Variants in MYO1H observed in about 807,000 individuals in gnomAD.
The protein encoded by MYO1H is unconventional myosin-Ih.
In MYO1H, 118 loss-of-function variants were observed where a neutral mutation model predicts 149.3. That is an observed-to-expected ratio of 0.79 (90% confidence interval 0.68 to 0.92). The LOEUF (loss-of-function observed/expected upper bound fraction) is 0.92. Ranked by LOEUF, MYO1H falls within the 40% of genes least tolerant of loss-of-function variation. MYO1H has a pLI of 0.00. For synonymous variants in MYO1H, 447 were observed against 465.2 expected (o/e 0.96, Z 0.50); for missense variants, 1,212 against 1,280.7 (o/e 0.95, Z 0.82).
rs200032737 is a variant in MYO1H, at chr12:109,373,389, ATATAAT to A, written c.13-15284_13-15279del. On this transcript the variant is annotated intron_variant, in intron 1 of 31. Coordinates refer to ENST00000310903, the Ensembl canonical transcript of MYO1H. ...TGTTTTTGTAATTATCAAGAATGTA[ATATAAT>A]TATAATTATCAAGAATGAAAATTGA... Among the ~76,000 whole-genome samples, 479 of 152,216 alleles carry A rather than the reference ATATAAT, an allele frequency of 3.1e-3. 3 individuals are homozygous for A. Among genetic ancestry groups the A allele is most frequent in the African/African-American group, 9.6e-3 (398 of 41,566 alleles).
chr12:109,405,602 G>A (rs1011459010), intron 7 of MYO1H, among the ~76,000 whole-genome samples: 1 of 152,166 alleles, frequency 6.6e-6, no homozygotes, highest in Non-Finnish European at 1.5e-5. Flanking sequence ...GAGCCACCGC[G>A]CCCGGCCATA....
At chr12:109,447,453 A>G (rs1408201836) in exon 32 of MYO1H, 3 of 575,750 alleles carry the variant, frequency 5.2e-6, no homozygotes, top group African/African-American at 1.9e-5. Context: ...GACAGGATCT[A>G]TGTTCAGTGC....
rs545637145 is a variant in MYO1H at position 109,385,812 on chromosome 12, C to A, written c.13-2871C>A. Among the ~76,000 whole-genome samples the A allele has an allele frequency of 3.3e-5, 5 of 152,300 alleles. No homozygotes were observed. The South Asian group carries it at 1.0e-3, about 32-fold the overall frequency. Reference sequence around the variant, plus strand: ...CCCACCACCTAGCTTTAACAATTAACATTCTGCCATTCCGTTTATATTCAT... The same window carrying A: ...CCCACCACCTAGCTTTAACAATTAAAATTCTGCCATTCCGTTTATATTCAT... On this transcript the variant is annotated intron_variant, in intron 1 of 31. Coordinates refer to ENST00000310903, the Ensembl canonical transcript of MYO1H.
intron 14 of MYO1H, among the ~76,000 whole-genome samples, chr12:109,414,491 A>G (rs1286260244): frequency 7.1e-5 from 10 of 140,740 alleles, no homozygotes; most frequent in African/African-American, 2.9e-4. Context: ...AAAAAAAAAA[A>G]AAGAAAGAAA....
At chr12:109,317,162 T>C in the MYO1H span, among the ~76,000 whole-genome samples, 1 of 152,194 alleles carries the variant, frequency 6.6e-6, no homozygotes, top group Non-Finnish European at 1.5e-5. Flanking sequence ...TTTGAAACTG[T>C]CACTTGCCTG....
At chr12:109,447,466 A>G in exon 32 of MYO1H, 3 of 545,876 alleles carry the variant, frequency 5.5e-6, no homozygotes, top group Non-Finnish European at 9.9e-6. Flanking sequence ...TTCAGTGCGC[A>G]GTCCAACGTG....
exon 32 of MYO1H, chr12:109,448,190 C>T (rs945526042): frequency 2.6e-5 from 4 of 152,052 alleles, no homozygotes; most frequent in African/African-American, 9.7e-5. Flanking sequence ...GTTTTTGTGC[C>T]CAGCAACATG....
At chr12:109,360,722 A>G (rs1348057050) in intron 1 of MYO1H, among the ~76,000 whole-genome samples, 2 of 152,192 alleles carry the variant, frequency 1.3e-5, no homozygotes, top group Non-Finnish European at 1.5e-5. Context: ...CTCCATAAAG[A>G]AAAAAACAAA....
intron 14 of MYO1H, among the ~76,000 whole-genome samples, chr12:109,413,223 C>T (rs1870752057): frequency 6.6e-6 from 1 of 152,096 alleles, no homozygotes; most frequent in Non-Finnish European, 1.5e-5. Context: ...GATCTGCCCA[C>T]CTCAGTGTCC....
chr12:109,415,906 C>CATTTTATTTTATTTTATTTTATTTT (rs78343064), intron 15 of MYO1H, among the ~76,000 whole-genome samples: 5 of 144,482 alleles, frequency 3.5e-5, no homozygotes, highest in African/African-American at 5.2e-5. Context: ...TACCACCATT[C>CATTTTATTTTATTTTATTTTATTTT]ATTTTATTTT....
chr12:109,417,075 G>A (rs969835426), intron 15 of MYO1H, among the ~76,000 whole-genome samples: 6 of 152,084 alleles, frequency 3.9e-5, no homozygotes, highest in African/African-American at 1.2e-4. Flanking sequence ...GGAGGCCGAG[G>A]CAGGAGAATT....
the MYO1H span, among the ~76,000 whole-genome samples, chr12:109,337,268 A>G: frequency 6.6e-6 from 1 of 152,134 alleles, no homozygotes. Flanking sequence ...AGCTTCATAT[A>G]TTCTTATAAT....
At chr12:109,432,950 A>C in exon 20 of MYO1H, 2 of 1,614,026 alleles carry the variant, frequency 1.2e-6, no homozygotes, top group Non-Finnish European at 1.7e-6. Context: ...CCTCCAGCAG[A>C]GGGCGTGGAA....
chr12:109,414,429 A>G (rs983252464), intron 14 of MYO1H, among the ~76,000 whole-genome samples: 1 of 148,654 alleles, frequency 6.7e-6, no homozygotes, highest in Non-Finnish European at 1.5e-5. Context: ...GTAAGCCGAG[A>G]TCACACCACT....
intron 27 of MYO1H, 138 bp downstream of exon 27, chr12:109,442,410 T>C: frequency 1.5e-6 from 1 of 676,984 alleles, no homozygotes. Context: ...CTGTGATGCT[T>C]TGGGTATTAA....
intron 1 of MYO1H, among the ~76,000 whole-genome samples, chr12:109,372,350 T>A (rs1040073330): frequency 6.6e-6 from 1 of 152,108 alleles, no homozygotes; most frequent in Non-Finnish European, 1.5e-5. Flanking sequence ...AACTATCCAG[T>A]GTTTCCAACA....
chr12:109,431,921 G>A (rs1292146436), intron 19 of MYO1H, among the ~76,000 whole-genome samples: 1 of 150,836 alleles, frequency 6.6e-6, no homozygotes, highest in South Asian at 2.1e-4. Context: ...GGACTCAAGC[G>A]ATCCTCCTGC....
the MYO1H span, among the ~76,000 whole-genome samples, chr12:109,314,029 C>A: frequency 2.0e-5 from 3 of 151,866 alleles, no homozygotes; most frequent in Non-Finnish European, 4.4e-5. Context: ...GGATTACAGG[C>A]GCGCACCACC....
intron 30 of MYO1H, 21 bp downstream of exon 30, chr12:109,444,550 C>T (rs758348054): frequency 1.3e-6 from 2 of 1,564,138 alleles, no homozygotes; most frequent in Admixed American, 3.3e-5. Flanking sequence ...TCATCTTCAG[C>T]TCAGGAAGTA....
Sources: gnomAD v4.1 joint callset for allele counts (sites outside exome capture counted in the v4.1 genomes callset) on GRCh38, gnomAD v4.1.1 for gene constraint, MANE v1.5 for transcripts, NCBI Gene and HGNC (gene_info 2026-07-23, HGNC 2026-07-21) for gene names.